DPP10: variants seen among roughly 807,000 people sequenced by gnomAD.
DPP10 encodes the protein dipeptidyl peptidase like 10.
Under a neutral mutation model 120.9 loss-of-function variants are expected in DPP10, and 33 were observed. The observed-to-expected ratio is 0.27, with a 90% CI of 0.21 to 0.37. The LOEUF is 0.37. DPP10 is among the 10% of genes least tolerant of loss of function. The pLI, the probability that DPP10 is intolerant of heterozygous loss-of-function variation, is 1.00. For synonymous variants in DPP10, 337 were observed against 326.1 expected, an observed-to-expected ratio of 1.03 and a Z score of -0.36; for missense variants, 816 against 942.8, an observed-to-expected ratio of 0.87 and a Z score of 1.76.
chr2:115,291,877 A>G (rs765499370), intron 1 of DPP10, among the ~76,000 whole-genome samples: 5 of 152,138 alleles, frequency 3.3e-5, no homozygotes, highest in Admixed American at 1.3e-4. Flanking sequence ...CTAAAAATCT[A>G]TTACATGGTT....
At chr2:114,903,005 C>G (rs1211770972) in intron 1 of DPP10, among the ~76,000 whole-genome samples, 2 of 152,110 alleles carry the variant, frequency 1.3e-5, no homozygotes, top group East Asian at 3.9e-4. Flanking sequence ...TTTATTATCT[C>G]TATAGTTTTG....
intron 1 of DPP10, among the ~76,000 whole-genome samples, chr2:114,458,181 A>C (rs1344360731): frequency 6.6e-6 from 1 of 152,190 alleles, no homozygotes; most frequent in Admixed American, 6.5e-5. Context: ...CTATTCTGCC[A>C]GAGTTTCTTT....
intron 1 of DPP10, among the ~76,000 whole-genome samples, chr2:114,581,153 T>A (rs1690477512): frequency 1.4e-5 from 2 of 148,144 alleles, no homozygotes; most frequent in Admixed American, 6.8e-5. Flanking sequence ...ATATAAAACA[T>A]CATTTTCTTT....
rs566808076 is a variant in DPP10, at chr2:115,547,765, C to CAAA, written c.441+21808_441+21810dup. Among the ~76,000 whole-genome samples the CAAA allele has an allele frequency of 1.8e-4, 13 of 71,856 alleles. No homozygotes were observed. The South Asian group carries it at 3.3e-3, about 19-fold the overall frequency. The allele number at this position is 71,856 out of a possible 152,430, so 47.1% of individuals were successfully genotyped here. On this transcript the variant is annotated intron_variant, in intron 5 of 25. Coordinates refer to ENST00000410059, the MANE Select transcript of DPP10 (RefSeq NM_020868.6). ...AGGCAACAGAGTGAGATCCTATCTC[C>CAAA]AAAAAAAAAAAAAAAAAGACATAAA...
intron 5 of DPP10, among the ~76,000 whole-genome samples, chr2:115,652,907 C>G (rs1297880592): frequency 6.6e-6 from 1 of 151,916 alleles, no homozygotes; most frequent in Non-Finnish European, 1.5e-5. Flanking sequence ...GTGGTCCAGT[C>G]AAGCTGACAT....
intron 1 of DPP10, among the ~76,000 whole-genome samples, chr2:115,076,103 T>C (rs557165070): frequency 2.0e-5 from 3 of 152,248 alleles, no homozygotes; most frequent in African/African-American, 7.2e-5. Context: ...TATAAAGATT[T>C]GGTAGGTTTT....
At chr2:115,565,635 A>G (rs1296505398) in intron 5 of DPP10, among the ~76,000 whole-genome samples, 1 of 151,978 alleles carries the variant, frequency 6.6e-6, no homozygotes, top group Non-Finnish European at 1.5e-5. Context: ...GAATATTTCC[A>G]TAATCTTTCT....
intron 3 of DPP10, among the ~76,000 whole-genome samples, chr2:115,346,533 C>T (rs1021351985): frequency 2.6e-5 from 4 of 152,030 alleles, no homozygotes; most frequent in African/African-American, 9.7e-5. Context: ...GATGGGTGCC[C>T]CTGTTCATGG....
intron 1 of DPP10, among the ~76,000 whole-genome samples, chr2:114,876,417 T>A (rs1402116419): frequency 6.6e-6 from 1 of 152,032 alleles, no homozygotes; most frequent in African/African-American, 2.4e-5. Context: ...GGAGGCAGAG[T>A]AGCAAATTGG....
intron 1 of DPP10, among the ~76,000 whole-genome samples, chr2:114,832,439 G>A (rs1320390424): frequency 3.3e-5 from 5 of 152,216 alleles, no homozygotes; most frequent in South Asian, 2.1e-4. Flanking sequence ...GGAGGCTGAG[G>A]CAGGAGAAAT....
chr2:115,758,198 G>T (rs1303454252), intron 11 of DPP10, among the ~76,000 whole-genome samples: 1 of 152,020 alleles, frequency 6.6e-6, no homozygotes, highest in African/African-American at 2.4e-5. Flanking sequence ...TAAACAAGTG[G>T]CAAGTAAGTC....
chr2:115,505,977 A>G (rs575040794), intron 4 of DPP10, among the ~76,000 whole-genome samples: 1 of 149,162 alleles, frequency 6.7e-6, no homozygotes. Flanking sequence ...TAGTTTATAA[A>G]CTAAAATTAT....
intron 1 of DPP10, among the ~76,000 whole-genome samples, chr2:114,562,873 T>C (rs1456728474): frequency 6.6e-6 from 1 of 152,206 alleles, no homozygotes; most frequent in East Asian, 1.9e-4. Flanking sequence ...AAAGAAAATT[T>C]GGTGTATGTT....
intron 1 of DPP10, among the ~76,000 whole-genome samples, chr2:114,885,243 G>A (rs775683931): frequency 6.6e-5 from 10 of 152,012 alleles, no homozygotes; most frequent in African/African-American, 9.7e-5. Flanking sequence ...GAACAATCAT[G>A]TCACATGGTG....
At chr2:115,188,017 C>CA (rs1173597107) in intron 1 of DPP10, among the ~76,000 whole-genome samples, 1 of 146,210 alleles carries the variant, frequency 6.8e-6, no homozygotes, top group African/African-American at 2.6e-5. Context: ...GAGACTATTT[C>CA]AAAAAAACAG....
chr2:115,019,529 C>T (rs1197353952), intron 1 of DPP10, among the ~76,000 whole-genome samples: 3 of 152,122 alleles, frequency 2.0e-5, no homozygotes. Flanking sequence ...CTACGTTAAA[C>T]ATCCAAACCT....
chr2:114,697,611 A>C (rs1391797214), intron 1 of DPP10, among the ~76,000 whole-genome samples: 1 of 151,922 alleles, frequency 6.6e-6, no homozygotes, highest in Non-Finnish European at 1.5e-5. Context: ...TTAGCCAGGC[A>C]TGGTGGCAGG....
intron 1 of DPP10, among the ~76,000 whole-genome samples, chr2:115,221,034 T>C (rs1014355214): frequency 2.6e-5 from 4 of 152,148 alleles, no homozygotes; most frequent in African/African-American, 9.6e-5. Context: ...TATCAGAAGT[T>C]ACAAAGTGTT....
At chr2:114,688,743 T>G (rs1241376270) in intron 1 of DPP10, among the ~76,000 whole-genome samples, 1 of 151,774 alleles carries the variant, frequency 6.6e-6, no homozygotes, top group Non-Finnish European at 1.5e-5. Flanking sequence ...GGGCACAGAG[T>G]GTTATGGACT....
Sources: gnomAD v4.1 joint callset for allele counts (sites outside exome capture counted in the v4.1 genomes callset) on GRCh38, gnomAD v4.1.1 for gene constraint, MANE v1.5 for transcripts, NCBI Gene and HGNC (gene_info 2026-07-23, HGNC 2026-07-21) for gene names.